IGF2: variants seen among roughly 807,000 people sequenced by gnomAD.
IGF2 encodes the protein insulin-like growth factor 2.
IGF2 carries 2 observed loss-of-function variants against 12.0 expected under a neutral mutation model. The ratio of observed to expected loss-of-function variants is 0.17; its 90% CI spans 0.07 to 0.52. The LOEUF (loss-of-function observed/expected upper bound fraction) is 0.52, where lower values mean the gene tolerates loss of function less well. Ranked by LOEUF, IGF2 falls within the 20% of genes least tolerant of loss-of-function variation. The probability of loss-of-function intolerance (pLI) is 0.95; values close to 1 mark genes in which losing one functional copy is unlikely to be tolerated. For missense variants in IGF2, 211 were observed against 268.0 expected, an observed-to-expected ratio of 0.79 and a Z score of 1.48; for synonymous variants, 105 against 110.1, an observed-to-expected ratio of 0.95 and a Z score of 0.29.
At position 2,133,578 on chromosome 11, in the gene IGF2, G is replaced by A. The variant is rs746888392; in HGVS notation, c.245C>T (p.Thr82Met). The change falls in exon 3 of 4, where the codon ACG (threonine) becomes ATG (methionine). Residue 82 changes from threonine (T) to methionine (M), a missense_variant. Physicochemically the swap from Thr to Met is moderately conservative, Grantham distance 81. Transcript: ENST00000416167. This position sits in a 1 kb window ranked among gnomAD's most constrained non-coding sequence, Gnocchi z 8.9. ...GGACTTGGCGGGGGTAGCACAGTAC[G>A]TCTCCAGGAGGGCCAGGTCACAGCT... The part of the protein sequence containing the change: ...FRSCDLALLE[T>M]YCATPAKSER... 28 of 1,612,918 alleles carry A rather than the reference G, an allele frequency of 1.7e-5. No individual in the cohort carries two copies. The highest frequency in any genetic ancestry group is 2.2e-5 in the East Asian group (1 of 44,894).
Position 2,138,722 on chromosome 11 carries a change from G to A in IGF2, c.-500C>T. On this transcript the variant is annotated 5_prime_UTR_variant, in exon 1 of 4. Transcript: ENST00000416167. ...GGCGTGAGGGGGGGAGGGAGTCGGAGGCTAGGAGCTGGGGGGGACGGGAGG... is the reference window on the plus strand; with the variant it reads ...GGCGTGAGGGGGGGAGGGAGTCGGAAGCTAGGAGCTGGGGGGGACGGGAGG... 1.6e-6 allele frequency: 1 copy of A among 630,126 alleles called. No individual in the cohort carries two copies. The highest frequency in any genetic ancestry group is 7.3e-5 in the South Asian group (1 of 13,628). The allele number at this position is 630,126 out of a possible 1,614,324, so 39.0% of individuals were successfully genotyped here. A position where few individuals can be genotyped will look rare whatever the true frequency, so the allele number is the denominator to read the frequency against.
At position 2,131,440 on chromosome 11, in the gene IGF2, ATG is replaced by A. The variant is rs200159614; in HGVS notation, c.*1545_*1546del. On this transcript the variant is annotated 3_prime_UTR_variant, in exon 4 of 4. Coordinates refer to ENST00000416167, the MANE Select transcript of IGF2 (RefSeq NM_000612.6). ...TGTGGGGGTGTGCGTGTGTGTGCGC[ATG>A]TGTGTGTGCAGGTGGGTGCTTGCGT... 6 of 228,226 alleles carry A rather than the reference ATG, an allele frequency of 2.6e-5. No individual in the cohort carries two copies. Among genetic ancestry groups the A allele is most frequent in the Non-Finnish European group, 3.5e-5 (4 of 115,682 alleles). The allele number at this position is 228,226 out of a possible 1,614,324, so 14.1% of individuals were successfully genotyped here.
chr11:2,146,051 A>G (rs1859914006), upstream of IGF2, among the ~76,000 whole-genome samples: 1 of 152,046 alleles, frequency 6.6e-6, no homozygotes, highest in South Asian at 2.1e-4. Flanking sequence ...GCCCTGAACC[A>G]GCACCTCACC....
Position 2,138,563 on chromosome 11 carries a change from G to C in IGF2, c.-341C>G, listed in dbSNP as rs1309277554. 16 of 501,390 alleles carry C rather than the reference G, an allele frequency of 3.2e-5. No homozygotes were observed. The highest frequency in any genetic ancestry group is 3.9e-4 in the East Asian group (2 of 5,102). 31.1% of individuals were successfully genotyped at this position (501,390 alleles called of 1,614,324 possible). A position where few individuals can be genotyped will look rare whatever the true frequency, so the allele number is the denominator to read the frequency against. On this transcript the variant is annotated 5_prime_UTR_variant, in exon 1 of 4. Coordinates refer to ENST00000416167, the MANE Select transcript of IGF2 (RefSeq NM_000612.6). ...GGGAGAGACAGAGTGAACGTGAAAG[G>C]GGGGGGCCGAAGAGAGGGCGAGGGG...
At position 2,130,531 on chromosome 11, in the gene IGF2, G is replaced by T. The variant is rs555759341; in HGVS notation, c.*2456C>A. On this transcript the variant is annotated 3_prime_UTR_variant, in exon 4 of 4. Transcript: ENST00000416167. ...TTGTCACTGCCCCCCTGTTACATGG[G>T]GGGGGGGTTTAATTTGGTTTCTGAG... 9.1e-5 allele frequency: 20 copies of T among 220,434 alleles called. No individual in the cohort carries two copies. Among genetic ancestry groups the T allele is most frequent in the South Asian group, 3.8e-4 (2 of 5,292 alleles). 13.7% of individuals were successfully genotyped at this position (220,434 alleles called of 1,614,324 possible). A position where few individuals can be genotyped will look rare whatever the true frequency, so the allele number is the denominator to read the frequency against.
rs1858667185 is a variant in IGF2, at chr11:2,132,396, T to C, written c.*591A>G. ...TAGCAGCGACGTGCCCACCTGTGAT[T>C]TCTGGGGTCCTTCTTTTCTCTTTGC... is the stretch of plus-strand genomic sequence containing the variant. On this transcript the variant is annotated 3_prime_UTR_variant, in exon 4 of 4. Transcript: ENST00000416167. The C allele has an allele frequency of 5.2e-6, 1 of 190,824 alleles. No individual in the cohort carries two copies. Among genetic ancestry groups the C allele is most frequent in the East Asian group, 8.2e-5 (1 of 12,268 alleles). The allele number at this position is 190,824 out of a possible 1,614,324, so 11.8% of individuals were successfully genotyped here.
chr11:2,135,661 T>C lies in IGF2; in HGVS notation c.-6-132A>G, dbSNP rs1319290027. 3 of 744,426 alleles carry C rather than the reference T, an allele frequency of 4.0e-6. No homozygotes were observed. The East Asian group carries it at 8.2e-5, about 20-fold the overall frequency. 46.1% of individuals were successfully genotyped at this position (744,426 alleles called of 1,614,324 possible). A position where few individuals can be genotyped will look rare whatever the true frequency, so the allele number is the denominator to read the frequency against. On this transcript the variant is annotated intron_variant, in intron 1 of 3. Coordinates refer to ENST00000416167, the MANE Select transcript of IGF2 (RefSeq NM_000612.6). ...TGAAAGCACGGCTTTCCTATAAACA[T>C]TATTTTTATTACAAAAGTAACACAC... is the stretch of plus-strand genomic sequence containing the variant.
chr11:2,133,625 G>C lies in IGF2; in HGVS notation c.198C>G (p.Ile66Met). 1 of 1,613,070 alleles carries C rather than the reference G, an allele frequency of 6.2e-7. No homozygotes were observed. The highest frequency in any genetic ancestry group is 8.5e-7 in the Non-Finnish European group (1 of 1,180,010). ...AGCTGCGGAAACAGCACTCCTCAACGATGCCACGGCTGCGACGGCTCACAC... is the reference window on the plus strand; with the variant it reads ...AGCTGCGGAAACAGCACTCCTCAACCATGCCACGGCTGCGACGGCTCACAC... ...ASRVSRRSRGIVEECCFRSCD... is the reference protein window; with the variant it reads ...ASRVSRRSRGMVEECCFRSCD... The change falls in exon 3 of 4, where the codon ATC (isoleucine) becomes ATG (methionine). Residue 66 changes from isoleucine (I) to methionine (M), a missense_variant. Coordinates refer to ENST00000416167, the MANE Select transcript of IGF2 (RefSeq NM_000612.6). This position sits in a 1 kb window ranked among gnomAD's most constrained non-coding sequence, Gnocchi z 8.9.
rs908988826 is a variant in IGF2, at chr11:2,130,858, TG to T, written c.*2128del. On this transcript the variant is annotated 3_prime_UTR_variant, in exon 4 of 4. Coordinates refer to ENST00000416167, the MANE Select transcript of IGF2 (RefSeq NM_000612.6). ...CGGCCCCCGAGGACTCCACATTTCT[TG>T]GGGGGTCCCCAGGAGACGGGCAAAG... 1.9e-4 allele frequency: 36 copies of T among 193,354 alleles called. No individual in the cohort carries two copies. The highest frequency in any genetic ancestry group is 8.2e-4 in the African/African-American group (35 of 42,626). The allele number at this position is 193,354 out of a possible 1,614,324, so 12.0% of individuals were successfully genotyped here.
At chr11:2,140,180 G>A (rs754336261), upstream of IGF2, 2 of 1,613,358 alleles carry the variant, frequency 1.2e-6, no homozygotes, top group Admixed American at 1.7e-5. Flanking sequence ...GCTCGCCTTT[G>A]CGGCCCACCC....
chr11:2,132,722 A>G lies in IGF2; in HGVS notation c.*265T>C, dbSNP rs1366455601. ...TTATGTGTGGGGATAATTGGGGATA[A>G]TTTGGGGGGAGGGTATGTGAAGGGT... is the stretch of plus-strand genomic sequence containing the variant. On this transcript the variant is annotated 3_prime_UTR_variant, in exon 4 of 4. Coordinates refer to ENST00000416167, the MANE Select transcript of IGF2 (RefSeq NM_000612.6). 1.1e-5 allele frequency: 3 copies of G among 264,666 alleles called. No individual in the cohort carries two copies. The highest frequency in any genetic ancestry group is 7.6e-5 in the Admixed American group (1 of 13,166). 16.4% of individuals were successfully genotyped at this position (264,666 alleles called of 1,614,324 possible). A position where few individuals can be genotyped will look rare whatever the true frequency, so the allele number is the denominator to read the frequency against.
chr11:2,139,625 C>G (rs1384370096), upstream of IGF2, among the ~76,000 whole-genome samples: 2 of 138,416 alleles, frequency 1.4e-5, no homozygotes, highest in Non-Finnish European at 1.6e-5. Flanking sequence ...GGGGGCGAGG[C>G]TGGGTGGGGG....
intron 1 of IGF2, among the ~76,000 whole-genome samples, 173 bp downstream of exon 1, chr11:2,138,056 G>A (rs1338872725): frequency 6.6e-6 from 1 of 151,870 alleles, no homozygotes; most frequent in Non-Finnish European, 1.5e-5. Context: ...GCAGGGAACG[G>A]GACCCGCAGC....
chr11:2,145,669 G>A (rs1452124956), upstream of IGF2, among the ~76,000 whole-genome samples: 2 of 152,192 alleles, frequency 1.3e-5, no homozygotes, highest in Non-Finnish European at 2.9e-5. Context: ...ACCTTGGGGT[G>A]CCCACAGCAG....
intron 1 of IGF2, among the ~76,000 whole-genome samples, chr11:2,135,911 G>A (rs1227495532): frequency 2.6e-5 from 4 of 152,204 alleles, no homozygotes; most frequent in Non-Finnish European, 4.4e-5. Flanking sequence ...CATGGGGGCA[G>A]GGCCAGCCCA....
At chr11:2,141,404 G>A (rs1283468957), upstream of IGF2, among the ~76,000 whole-genome samples, 1 of 152,196 alleles carries the variant, frequency 6.6e-6, no homozygotes, top group Non-Finnish European at 1.5e-5. Context: ...CAGAAAAATA[G>A]ATTACAGGTT....
chr11:2,135,962 G>T (rs1859002157), intron 1 of IGF2, among the ~76,000 whole-genome samples: 1 of 152,188 alleles, frequency 6.6e-6, no homozygotes, highest in South Asian at 2.1e-4. Flanking sequence ...CGCCAGCCAA[G>T]ATGGCAGACA....
intron 1 of IGF2, chr11:2,137,094 G>GC: frequency 3.1e-6 from 1 of 320,032 alleles, no homozygotes. Flanking sequence ...CGGCTGCAGG[G>GC]CCCGAGGCCC....
At chr11:2,149,085 G>T in the IGF2 span, 1 of 1,578,768 alleles carries the variant, frequency 6.3e-7, no homozygotes, top group South Asian at 1.1e-5. Flanking sequence ...CACTTAAAGT[G>T]CAGCTTTTCT....
Sources: allele counts gnomAD v4.1 joint callset (sites outside exome capture counted in the v4.1 genomes callset), GRCh38; gene constraint gnomAD v4.1.1; non-coding constraint Gnocchi (gnomAD v3.1); transcripts MANE v1.5; gene names NCBI Gene and HGNC (gene_info 2026-07-23, HGNC 2026-07-21).